NALCN: variants seen among roughly 807,000 people sequenced by gnomAD.
NALCN encodes the protein sodium leak channel NALCN.
A neutral mutation model predicts 225.3 loss-of-function variants in NALCN; 111 were observed. The ratio of observed to expected loss-of-function variants is 0.49; its 90% CI spans 0.42 to 0.58. The LOEUF (loss-of-function observed/expected upper bound fraction) is 0.58, where lower values mean the gene tolerates loss of function less well. Among genes scored for constraint, NALCN ranks in the 20% least tolerant of loss-of-function variants. The pLI is 0.00. For synonymous variants in NALCN, 764 were observed against 769.0 expected, an observed-to-expected ratio of 0.99 and a Z score of 0.11; for missense variants, 1,378 against 2,202.4, an observed-to-expected ratio of 0.63 and a Z score of 7.49.
chr13:101,330,122 G>T (rs1362418311), intron 7 of NALCN, among the ~76,000 whole-genome samples: 4 of 151,518 alleles, frequency 2.6e-5, no homozygotes, highest in African/African-American at 9.7e-5. Context: ...CAATGTGTTG[G>T]ACTATGCTTA....
intron 7 of NALCN, among the ~76,000 whole-genome samples, chr13:101,301,057 T>C (rs553498958): frequency 2.8e-4 from 42 of 152,248 alleles, no homozygotes; most frequent in Non-Finnish European, 5.0e-4. Flanking sequence ...AGTTGAAATA[T>C]GTTTCCTTAA....
chr13:101,206,864 T>C (rs1005234009), intron 13 of NALCN, among the ~76,000 whole-genome samples: 28 of 151,930 alleles, frequency 1.8e-4, no homozygotes, highest in Admixed American at 8.5e-4. Flanking sequence ...TATAGTTTGG[T>C]AAAATTTTTA....
chr13:101,291,504 T>C (rs1368987425), intron 9 of NALCN, among the ~76,000 whole-genome samples: 2 of 152,084 alleles, frequency 1.3e-5, no homozygotes, highest in Admixed American at 1.3e-4. Flanking sequence ...GAAGCTCTGA[T>C]TTGATTGTTC....
chr13:101,373,680 C>CT (rs1380482498), intron 6 of NALCN, among the ~76,000 whole-genome samples: 1 of 152,152 alleles, frequency 6.6e-6, no homozygotes, highest in Non-Finnish European at 1.5e-5. Flanking sequence ...AGAGCTTCTC[C>CT]TAAGATACCG....
chr13:101,182,789 G>C (rs2039292330), intron 14 of NALCN, among the ~76,000 whole-genome samples: 1 of 152,202 alleles, frequency 6.6e-6, no homozygotes, highest in South Asian at 2.1e-4. Flanking sequence ...GATTCAGGAG[G>C]TGCAGGGTGA....
chr13:101,330,038 A>C (rs2045105788), intron 7 of NALCN, among the ~76,000 whole-genome samples: 2 of 150,108 alleles, frequency 1.3e-5, no homozygotes, highest in East Asian at 3.9e-4. Flanking sequence ...GACTGTTTCA[A>C]AAAAAATTAT....
intron 6 of NALCN, 22 bp from the exon 7 acceptor site, chr13:101,345,442 G>T: frequency 1.2e-6 from 2 of 1,604,696 alleles, no homozygotes; most frequent in Middle Eastern, 1.7e-4. Flanking sequence ...ACATGAAAGT[G>T]TTAGACAATT....
At chr13:101,284,748 C>T (rs946078291) in intron 9 of NALCN, among the ~76,000 whole-genome samples, 5 of 152,172 alleles carry the variant, frequency 3.3e-5, no homozygotes, top group African/African-American at 1.2e-4. Flanking sequence ...TACAGGCCCA[C>T]TAAATCTGAA....
chr13:101,328,460 C>T (rs1870604600), intron 7 of NALCN, among the ~76,000 whole-genome samples: 1 of 152,038 alleles, frequency 6.6e-6, no homozygotes. Context: ...CACAGGCATG[C>T]ACCACCACAC....
intron 3 of NALCN, among the ~76,000 whole-genome samples, chr13:101,391,702 A>C (rs989572680): frequency 6.9e-6 from 1 of 144,392 alleles, no homozygotes; most frequent in Non-Finnish European, 1.5e-5. Context: ...ATGAAGACAT[A>C]GGTCTGCCAC....
chr13:101,218,144 T>C (rs1169121517), intron 13 of NALCN, among the ~76,000 whole-genome samples: 1 of 151,816 alleles, frequency 6.6e-6, no homozygotes, highest in Non-Finnish European at 1.5e-5. Context: ...AAAGGTTTCC[T>C]GGTCCTAAGG....
At chr13:101,126,220 T>C (rs764769828) in intron 17 of NALCN, among the ~76,000 whole-genome samples, 2 of 152,192 alleles carry the variant, frequency 1.3e-5, no homozygotes, top group Non-Finnish European at 2.9e-5. Flanking sequence ...ACAGCAGATA[T>C]GTAGTAAAGA....
At chr13:101,116,385 T>C (rs912404500) in intron 18 of NALCN, 13 of 313,182 alleles carry the variant, frequency 4.2e-5, no homozygotes, top group East Asian at 4.1e-4. Context: ...ATTGTCTCTA[T>C]TTTTCTTGAC....
intron 15 of NALCN, among the ~76,000 whole-genome samples, chr13:101,148,008 T>C (rs2037444677): frequency 6.6e-6 from 1 of 152,172 alleles, no homozygotes; most frequent in Non-Finnish European, 1.5e-5. Flanking sequence ...GTTTTCCTCT[T>C]ACAAGCTCAT....
At position 101,073,722 on chromosome 13, in the gene NALCN, G is replaced by A. The variant is rs571125740; in HGVS notation, c.4104-45C>T. On this transcript the variant is annotated intron_variant, in intron 36 of 43. Transcript: ENST00000251127. The stretch of plus-strand genomic sequence containing the variant: ...TTAACAGAATGTGAATTATAGAAGG[G>A]TTTGTCATGAAATAGCATGGTTTGC... The A allele has an allele frequency of 2.9e-5, 44 of 1,529,884 alleles. No homozygotes were observed. In the Middle Eastern group the frequency reaches 8.5e-4, roughly 29 times the overall value. 94.8% of individuals were successfully genotyped at this position (1,529,884 alleles called of 1,614,324 possible). A position where few individuals can be genotyped will look rare whatever the true frequency, so the allele number is the denominator to read the frequency against.
intron 17 of NALCN, among the ~76,000 whole-genome samples, chr13:101,135,749 A>G (rs758769203): frequency 6.6e-6 from 1 of 152,214 alleles, no homozygotes; most frequent in Admixed American, 6.5e-5. Flanking sequence ...TCAGCAACAA[A>G]TACAACACAC....
chr13:101,270,891 C>T (rs773681599), intron 10 of NALCN, among the ~76,000 whole-genome samples: 1 of 152,176 alleles, frequency 6.6e-6, no homozygotes, highest in Non-Finnish European at 1.5e-5. Flanking sequence ...AAAAACTCAT[C>T]CTTCATTTTT....
intron 40 of NALCN, 35 bp from the exon 41 acceptor site, chr13:101,062,153 G>A (rs375299031): frequency 6.2e-7 from 1 of 1,608,922 alleles, no homozygotes; most frequent in African/African-American, 1.3e-5. Flanking sequence ...TCGCAGCTCT[G>A]ATTCACCTGA....
chr13:101,367,375 A>AT (rs1331126668), intron 6 of NALCN, among the ~76,000 whole-genome samples: 4 of 151,862 alleles, frequency 2.6e-5, no homozygotes, highest in Non-Finnish European at 5.9e-5. Flanking sequence ...TAAAACTCAC[A>AT]TTTTCTCTCT....
Sources: gnomAD v4.1 joint callset for allele counts (sites outside exome capture counted in the v4.1 genomes callset) on GRCh38, gnomAD v4.1.1 for gene constraint, MANE v1.5 for transcripts, NCBI Gene and HGNC (gene_info 2026-07-23, HGNC 2026-07-21) for gene names.